The following FBRSL1 variants were observed in gnomAD, a reference collection of about 807,000 sequenced individuals.
The protein encoded by FBRSL1 is fibrosin like 1, also known as fibrosin-1-like protein.
In FBRSL1, 51 loss-of-function variants were observed where a neutral mutation model predicts 89.6. That is an observed-to-expected ratio of 0.57 (90% confidence interval 0.45 to 0.72). The LOEUF (loss-of-function observed/expected upper bound fraction) is 0.72. Ranked by LOEUF, FBRSL1 falls within the 30% of genes least tolerant of loss-of-function variation. The probability of loss-of-function intolerance (pLI) is 0.00; values close to 1 mark genes in which losing one functional copy is unlikely to be tolerated. For synonymous variants in FBRSL1, 779 were observed against 681.1 expected (o/e 1.14, Z -2.24); for missense variants, 1,618 against 1,451.8 (o/e 1.11, Z -1.86).
intron 1 of FBRSL1, among the ~76,000 whole-genome samples, chr12:132,502,711 C>T (rs1188239048): frequency 6.7e-6 from 1 of 149,632 alleles, no homozygotes; most frequent in Non-Finnish European, 1.5e-5. Context: ...CACCTCCCTG[C>T]TTCAGGCCTC....
intron 15 of FBRSL1, among the ~76,000 whole-genome samples, chr12:132,578,367 A>ACACACACACACACACACACAC (rs1566244737): frequency 1.8e-4 from 28 of 151,742 alleles, no homozygotes; most frequent in Non-Finnish European, 2.1e-4. Flanking sequence ...ACACACACAC[A>ACACACACACACACACACACAC]AAATCATAGA....
intron 2 of FBRSL1, among the ~76,000 whole-genome samples, chr12:132,524,485 C>T (rs768892633): frequency 1.3e-5 from 2 of 152,256 alleles, no homozygotes; most frequent in Non-Finnish European, 2.9e-5. Context: ...GTGCACAGAG[C>T]GGGCCTCTGG....
intron 15 of FBRSL1, among the ~76,000 whole-genome samples, chr12:132,578,088 C>G (rs565144711): frequency 1.3e-5 from 2 of 152,242 alleles, no homozygotes; most frequent in Non-Finnish European, 2.9e-5. Flanking sequence ...GGAATCCTTA[C>G]GATAGCATAA....
intron 5 of FBRSL1, chr12:132,552,108 G>A (rs938580364): frequency 1.6e-5 from 3 of 189,236 alleles, no homozygotes; most frequent in South Asian, 2.2e-4. Context: ...TCCATGTTCT[G>A]TCTGCAAAAT....
rs1555293349 is a variant in FBRSL1 at position 132,584,635 on chromosome 12, T to TG, written c.*857_*858insG. 1 of 152,150 alleles carries TG rather than the reference T, an allele frequency of 6.6e-6. No individual in the cohort carries two copies. The highest frequency in any genetic ancestry group is 1.5e-5 in the Non-Finnish European group (1 of 68,038). 9.4% of individuals were successfully genotyped at this position (152,150 alleles called of 1,614,324 possible). ...CCCCTGGGTCCGTGGAGGGGTTGGG[T>TG]CCCCCAGCAGAGCCCCTGGGCCAGC... is the stretch of plus-strand genomic sequence containing the variant. On this transcript the variant is annotated 3_prime_UTR_variant, in exon 19 of 19. Coordinates refer to ENST00000680143, the MANE Select transcript of FBRSL1 (RefSeq NM_001367871.1).
intron 4 of FBRSL1, among the ~76,000 whole-genome samples, chr12:132,536,069 TAGTG>T (rs2036704342): frequency 6.9e-6 from 1 of 144,788 alleles, no homozygotes; most frequent in Admixed American, 7.0e-5. Context: ...GTGTGCATGA[TAGTG>T]TGTTCTGTGT....
At chr12:132,579,985 G>T (rs1035153651) in intron 15 of FBRSL1, among the ~76,000 whole-genome samples, 1 of 152,146 alleles carries the variant, frequency 6.6e-6, no homozygotes, top group Admixed American at 6.5e-5. Flanking sequence ...CATCCGTCAC[G>T]CCTGAACTCC....
intron 4 of FBRSL1, among the ~76,000 whole-genome samples, chr12:132,547,145 A>G (rs2037757746): frequency 6.6e-6 from 1 of 152,138 alleles, no homozygotes; most frequent in African/African-American, 2.4e-5. Context: ...CTGCTTACTG[A>G]AAACGGAGAA....
intron 4 of FBRSL1, among the ~76,000 whole-genome samples, chr12:132,530,111 T>C (rs572243862): frequency 1.5e-4 from 23 of 150,392 alleles, no homozygotes; most frequent in East Asian, 1.4e-3. Context: ...GACACTCCTC[T>C]GCCCTTCCCA....
At chr12:132,526,824 C>A (rs2035826216) in intron 3 of FBRSL1, among the ~76,000 whole-genome samples, 1 of 152,188 alleles carries the variant, frequency 6.6e-6, no homozygotes, top group Admixed American at 6.5e-5. Flanking sequence ...GTGACCCACC[C>A]CATCCACTAC....
chr12:132,546,188 G>A lies in FBRSL1; in HGVS notation c.616-1815G>A, dbSNP rs1488217510. Among the ~76,000 whole-genome samples, 1 of 152,236 alleles carries A rather than the reference G, an allele frequency of 6.6e-6. No individual in the cohort carries two copies. The highest frequency in any genetic ancestry group is 2.4e-5 in the African/African-American group (1 of 41,462). Reference sequence around the variant, plus strand: ...TTCCTTTGCTCCTGGCTGAGCCTGGGCAGTTCCATTTCATACTTTCCTCAC... The same window carrying A: ...TTCCTTTGCTCCTGGCTGAGCCTGGACAGTTCCATTTCATACTTTCCTCAC... On this transcript the variant is annotated intron_variant, in intron 4 of 18. Transcript: ENST00000680143. The surrounding 1 kb of genome is among the most constrained non-coding windows in gnomAD (Gnocchi z 4.0).
At chr12:132,508,988 C>T (rs554834409) in intron 2 of FBRSL1, among the ~76,000 whole-genome samples, 4 of 152,282 alleles carry the variant, frequency 2.6e-5, no homozygotes, top group South Asian at 2.1e-4. Context: ...CGCGGGGGTC[C>T]GCTGGTGTGC....
At chr12:132,500,421 C>G (rs894835389) in intron 1 of FBRSL1, among the ~76,000 whole-genome samples, 3 of 152,172 alleles carry the variant, frequency 2.0e-5, no homozygotes, top group Non-Finnish European at 4.4e-5. Flanking sequence ...CAGGCAAGGG[C>G]TGGAGGCTGG....
chr12:132,583,454 C>G lies in FBRSL1; in HGVS notation c.2685C>G (p.Pro895=). The change falls in exon 19 of 19, where the codon CCC becomes CCG. Residue 895 remains proline (P), a synonymous_variant. Transcript: ENST00000680143. ...YRDREPHGYS[P]ERLRGELERA... is the part of the protein sequence containing the mutation. ...ACCGCGAGCCCCACGGCTACAGCCC[C>G]GAGCGCCTGCGCGGGGAGCTGGAGC... 2 of 1,063,688 alleles carry G rather than the reference C, an allele frequency of 1.9e-6. No individual in the cohort carries two copies. Among genetic ancestry groups the G allele is most frequent in the South Asian group, 2.9e-5 (1 of 34,164 alleles). 65.9% of individuals were successfully genotyped at this position (1,063,688 alleles called of 1,614,324 possible). A position where few individuals can be genotyped will look rare whatever the true frequency, so the allele number is the denominator to read the frequency against.
At chr12:132,527,445 C>T (rs1481319809) in intron 3 of FBRSL1, among the ~76,000 whole-genome samples, 4 of 152,218 alleles carry the variant, frequency 2.6e-5, no homozygotes, top group Non-Finnish European at 5.9e-5. Flanking sequence ...GGACGACAGC[C>T]CCTGGGGAGG....
chr12:132,567,642 G>T, intron 6 of FBRSL1, 116 bp downstream of exon 6: 1 of 1,094,404 alleles, frequency 9.1e-7, no homozygotes, highest in Admixed American at 2.1e-5. Flanking sequence ...GGCACCTGGG[G>T]TGCAGAGCTG....
intron 15 of FBRSL1, chr12:132,580,994 G>T: frequency 7.1e-6 from 7 of 985,486 alleles, no homozygotes; most frequent in Non-Finnish European, 7.2e-6. Context: ...GCCATGTGCA[G>T]CCTCCAAGAC....
At chr12:132,506,837 A>G (rs1387549771) in intron 1 of FBRSL1, among the ~76,000 whole-genome samples, 1 of 152,232 alleles carries the variant, frequency 6.6e-6, no homozygotes. Context: ...CAGAGAGCAT[A>G]TGGCGGGAGC....
chr12:132,548,857 C>T (rs1464454952), intron 5 of FBRSL1, among the ~76,000 whole-genome samples: 1 of 152,210 alleles, frequency 6.6e-6, no homozygotes, highest in Non-Finnish European at 1.5e-5. Flanking sequence ...CTGCAGAGGC[C>T]CGAGGCGGAC....
Sources: gnomAD v4.1 joint callset for allele counts (sites outside exome capture counted in the v4.1 genomes callset) on GRCh38, gnomAD v4.1.1 for gene constraint, Gnocchi (gnomAD v3.1) non-coding constraint, MANE v1.5 for transcripts, NCBI Gene and HGNC (gene_info 2026-07-23, HGNC 2026-07-21) for gene names.